P2RX5: variants seen among roughly 807,000 people sequenced by gnomAD.
The protein encoded by P2RX5 is purinergic receptor P2X 5.
In P2RX5, 46 loss-of-function variants were observed where a neutral mutation model predicts 54.1. The ratio of observed to expected loss-of-function variants is 0.85; its 90% CI spans 0.67 to 1.09. The LOEUF is 1.09. Ranked by LOEUF, P2RX5 falls within the 50% of genes least tolerant of loss-of-function variation. P2RX5 has a pLI of 0.00. For synonymous variants in P2RX5, 226 were observed against 226.4 expected (o/e 1.00, Z 0.02); for missense variants, 566 against 549.8 (o/e 1.03, Z -0.29).
At position 3,677,997 on chromosome 17, in the gene P2RX5, C is replaced by A. The variant is rs1246863317; in HGVS notation, c.1259+1593G>T. 3.0e-6 allele frequency: 3 copies of A among 985,322 alleles called. No individual in the cohort carries two copies. The African/African-American group carries it at 5.2e-5, about 17-fold the overall frequency. The allele number at this position is 985,322 out of a possible 1,614,324, so 61.0% of individuals were successfully genotyped here. On this transcript the variant is annotated intron_variant, in intron 11 of 11. Coordinates refer to ENST00000225328, the MANE Select transcript of P2RX5 (RefSeq NM_002561.4). ...AGCCCCTGTCTCATGCAGGCACAGA[C>A]TCCTCTACCCAGTTCAGAGCTGCGG... is the stretch of plus-strand genomic sequence containing the variant.
chr17:3,719,235 CAAAAAAAAAAA>C, the P2RX5 span, among the ~76,000 whole-genome samples: 3 of 66,224 alleles, frequency 4.5e-5, no homozygotes, highest in South Asian at 1.7e-3. Flanking sequence ...GATTCTTCCT[CAAAAAAAAAAA>C]AAAAAAAAAA....
At chr17:3,690,885 G>C (rs1296880923) in intron 3 of P2RX5, 71 bp downstream of exon 3, 4 of 1,392,746 alleles carry the variant, frequency 2.9e-6, no homozygotes, top group Non-Finnish European at 4.0e-6. Context: ...CCTTGCTTCA[G>C]AAGAGAGTAG....
At chr17:3,701,189 C>G (rs2050813243), upstream of P2RX5, among the ~76,000 whole-genome samples, 2 of 152,194 alleles carry the variant, frequency 1.3e-5, no homozygotes. Context: ...TGGCTCAACA[C>G]AAATTCACAA....
intron 3 of P2RX5, 44 bp from the exon 4 acceptor site, chr17:3,690,724 CT>C: frequency 6.3e-7 from 1 of 1,591,646 alleles, no homozygotes; most frequent in Non-Finnish European, 8.6e-7. Flanking sequence ...GTTCCCCCAG[CT>C]CAGAGCCGGG....
chr17:3,696,614 A>G (rs2050764156), upstream of P2RX5, among the ~76,000 whole-genome samples: 1 of 151,772 alleles, frequency 6.6e-6, no homozygotes, highest in Non-Finnish European at 1.5e-5. Context: ...TAATTTTTGT[A>G]TTTTTAGTAG....
chr17:3,677,855 C>A, intron 11 of P2RX5: 2 of 985,392 alleles, frequency 2.0e-6, no homozygotes, highest in Non-Finnish European at 2.4e-6. Flanking sequence ...TGGACACCTG[C>A]TCCAGGGACT....
At chr17:3,680,146 AGTCCTCCATCCGGT>A (rs1292598135) in intron 10 of P2RX5, among the ~76,000 whole-genome samples, 10 of 29,282 alleles carry the variant, frequency 3.4e-4, no homozygotes, top group South Asian at 1.4e-3. Context: ...CTCCACCCTG[AGTCCTCCATCCGGT>A]GTCCTCCACC....
chr17:3,696,930 G>GT (rs1229468611), upstream of P2RX5, among the ~76,000 whole-genome samples: 1 of 151,008 alleles, frequency 6.6e-6, no homozygotes, highest in Non-Finnish European at 1.5e-5. Flanking sequence ...GGGGGTGGTT[G>GT]TGGGGGGGAA....
the P2RX5 span, chr17:3,720,505 G>A: frequency 7.7e-6 from 5 of 645,744 alleles, no homozygotes; most frequent in East Asian, 2.8e-5. Context: ...GGTATTCCTG[G>A]GCTTAGTTAA....
intron 11 of P2RX5, chr17:3,675,934 T>G (rs1324183792): frequency 2.0e-6 from 2 of 985,300 alleles, no homozygotes; most frequent in Non-Finnish European, 2.4e-6. Context: ...GAAGTTGCTT[T>G]GCTCTAGGAG....
chr17:3,697,416 A>C (rs1429861480), upstream of P2RX5, among the ~76,000 whole-genome samples: 1 of 152,006 alleles, frequency 6.6e-6, no homozygotes, highest in Non-Finnish European at 1.5e-5. Flanking sequence ...TGTGGTGAGG[A>C]GCTGCGCACG....
chr17:3,700,751 G>A (rs1260709484), upstream of P2RX5, among the ~76,000 whole-genome samples: 5 of 152,202 alleles, frequency 3.3e-5, no homozygotes, highest in East Asian at 3.9e-4. Context: ...ACTATCTCCC[G>A]GATAATGAGT....
At chr17:3,710,192 C>T in the P2RX5 span, among the ~76,000 whole-genome samples, 4 of 151,898 alleles carry the variant, frequency 2.6e-5, 1 homozygote, top group South Asian at 6.2e-4. Context: ...TTTGGGAAGC[C>T]GAGGTGAGCG....
chr17:3,701,561 G>A, the P2RX5 span, among the ~76,000 whole-genome samples: 9 of 151,766 alleles, frequency 5.9e-5, no homozygotes, highest in African/African-American at 1.2e-4. Flanking sequence ...TCATGGTGGC[G>A]CATGCCTGTA....
At position 3,679,571 on chromosome 17, in the gene P2RX5, T is replaced by A; in HGVS notation, c.1259+19A>T. The A allele has an allele frequency of 6.2e-7, 1 of 1,603,832 alleles. No individual in the cohort carries two copies. Among genetic ancestry groups the A allele is most frequent in the East Asian group, 2.2e-5 (1 of 44,864 alleles). ...TGCAGGACCCAGCTGTCGGGCTCTC[T>A]GCCTAGCAGTGGCCTCACCTGTGGG... On this transcript the variant is annotated intron_variant, in intron 11 of 11. Coordinates refer to ENST00000225328, the MANE Select transcript of P2RX5 (RefSeq NM_002561.4).
chr17:3,674,236 G>A (rs1034255723), intron 11 of P2RX5, among the ~76,000 whole-genome samples: 23 of 152,240 alleles, frequency 1.5e-4, no homozygotes, highest in African/African-American at 5.1e-4. Context: ...GCGTGAACCC[G>A]GGAGGCGGAG....
chr17:3,675,876 G>A, intron 11 of P2RX5: 1 of 985,314 alleles, frequency 1.0e-6, no homozygotes, highest in South Asian at 4.7e-5. Flanking sequence ...TAATCAGAGA[G>A]CAGTATAGGC....
In P2RX5 at chr17:3,690,937, G is replaced by A. The variant is rs367967268; in HGVS notation, c.360+19C>T. ...GTGGCTCTCCCACCCCCACGCCAGG[G>A]CCCCTCGCCAAATCAAACCTCAGCA... On this transcript the variant is annotated intron_variant, in intron 3 of 11. Coordinates refer to ENST00000225328, the MANE Select transcript of P2RX5 (RefSeq NM_002561.4). 58 of 1,607,730 alleles carry A rather than the reference G, an allele frequency of 3.6e-5. No homozygotes were observed. The highest frequency in any genetic ancestry group is 1.1e-4 in the African/African-American group (8 of 74,950).
At chr17:3,715,795 G>C in the P2RX5 span, among the ~76,000 whole-genome samples, 75 of 152,080 alleles carry the variant, frequency 4.9e-4, no homozygotes, top group Non-Finnish European at 9.6e-4. Context: ...CTAGGAGTAC[G>C]AGGCTGCAGT....
Sources: gnomAD v4.1 joint callset for allele counts (sites outside exome capture counted in the v4.1 genomes callset) on GRCh38, gnomAD v4.1.1 for gene constraint, MANE v1.5 for transcripts, NCBI Gene and HGNC (gene_info 2026-07-23, HGNC 2026-07-21) for gene names.